Variants in NKX2-1 observed in about 807,000 individuals in gnomAD.
NKX2-1 encodes NK2 homeobox 1.
NKX2-1 carries 9 observed loss-of-function variants against 35.1 expected under a neutral mutation model. That is an observed-to-expected ratio of 0.26 (90% confidence interval 0.15 to 0.45). The LOEUF is 0.45. Ranked by LOEUF, NKX2-1 falls within the 20% of genes least tolerant of loss-of-function variation. The pLI is 1.00. For synonymous variants in NKX2-1, 284 were observed against 269.9 expected, an observed-to-expected ratio of 1.05 and a Z score of -0.51; for missense variants, 509 against 589.1, an observed-to-expected ratio of 0.86 and a Z score of 1.41.
Position 36,519,109 on chromosome 14 carries a change from C to G in NKX2-1, c.339G>C (p.Val113=). The G allele has an allele frequency of 1.2e-6, 2 of 1,604,862 alleles. No homozygotes were observed. Among genetic ancestry groups the G allele is most frequent in the Non-Finnish European group, 1.7e-6 (2 of 1,179,306 alleles). ...CCAGGTTGCCGTTGCAGTAGCCCCCCACGGCGGAGTGCGAGAGCTGGGGCA... is the reference window on the plus strand; with the variant it reads ...CCAGGTTGCCGTTGCAGTAGCCCCCGACGGCGGAGTGCGAGAGCTGGGGCA... ...AGVPQLSHSA[V]GGYCNGNLGN... The change falls in exon 2 of 3, where the codon GTG becomes GTC. Residue 113 remains valine, a synonymous_variant. Coordinates refer to ENST00000354822, the MANE Select transcript of NKX2-1 (RefSeq NM_001079668.3).
chr14:36,518,773 C>T (rs1429018008), intron 2 of NKX2-1, among the ~76,000 whole-genome samples: 1 of 152,216 alleles, frequency 6.6e-6, no homozygotes, highest in East Asian at 1.9e-4. Flanking sequence ...CATCTGACCG[C>T]AGGACCCCAG....
Position 36,520,015 on chromosome 14 carries a change from T to C in NKX2-1, c.77+38A>G, listed in dbSNP as rs753150454. 5.0e-6 allele frequency: 8 copies of C among 1,612,022 alleles called. No individual in the cohort carries two copies. The South Asian group carries it at 6.6e-5, about 13-fold the overall frequency. On this transcript the variant is annotated intron_variant, in intron 1 of 2. Transcript: ENST00000354822. ...GGTTCCCCGGGCACGGACAGGTCTT[T>C]AGGAGGAGGGGGCTGAGGGACAGGG...
In NKX2-1 at chr14:36,517,912, C is replaced by A. The variant is rs1881115573; in HGVS notation, c.572G>T (p.Arg191Leu). ...KNMAPLPSAP[R>L]RKRRVLFSQA... ...CGAGAAGAGCACCCGGCGCTTCCTG[C>A]GCGGCGCGCTTGGCAGCGGGGCCAT... The change falls in exon 3 of 3, where the codon CGC (arginine) becomes CTC (leucine). Residue 191 changes from arginine (R) to leucine (L), a missense_variant. Around this residue, in one of 5 missense-constraint regions of NKX2-1, gnomAD observed 271 missense variants for 284.1 expected, o/e 0.95. Transcript: ENST00000354822. 2 of 1,608,866 alleles carry A rather than the reference C, an allele frequency of 1.2e-6. No individual in the cohort carries two copies. Among genetic ancestry groups the A allele is most frequent in the African/African-American group, 1.3e-5 (1 of 74,942 alleles).
rs1881055434 is a variant in NKX2-1 at position 36,517,092 on chromosome 14, G to T, written c.*186C>A. ...TAAAAAAAAAAACCCACAAATTTTA[G>T]GGGGGGAAAAAAAGAAAGACGTCCA... On this transcript the variant is annotated 3_prime_UTR_variant, in exon 3 of 3. Coordinates refer to ENST00000354822, the MANE Select transcript of NKX2-1 (RefSeq NM_001079668.3). The T allele has an allele frequency of 1.9e-6, 2 of 1,039,340 alleles. No individual in the cohort carries two copies. The highest frequency in any genetic ancestry group is 9.1e-5 in the Admixed American group (2 of 21,924). The allele number at this position is 1,039,340 out of a possible 1,614,324, so 64.4% of individuals were successfully genotyped here.
In NKX2-1 at chr14:36,516,739, A is replaced by C. The variant is rs1338378965; in HGVS notation, c.*539T>G. ...CCTAGGCGGCCAGAGGGTGCCGGGGAGGGGGCACTTCCTTTGTGTCAGTGA... is the reference window on the plus strand; with the variant it reads ...CCTAGGCGGCCAGAGGGTGCCGGGGCGGGGGCACTTCCTTTGTGTCAGTGA... On this transcript the variant is annotated 3_prime_UTR_variant, in exon 3 of 3. Transcript: ENST00000354822. The C allele has an allele frequency of 8.6e-6, 2 of 231,594 alleles. No individual in the cohort carries two copies. The highest frequency in any genetic ancestry group is 4.4e-5 in the African/African-American group (2 of 45,000). The allele number at this position is 231,594 out of a possible 1,614,324, so 14.3% of individuals were successfully genotyped here.
chr14:36,519,458 C>A (rs751471797), intron 1 of NKX2-1, 88 bp from the exon 2 acceptor site: 42 of 1,564,904 alleles, frequency 2.7e-5, no homozygotes, highest in Non-Finnish European at 3.0e-5. Context: ...GCCAAATATT[C>A]TGGTGTTACC....
intron 2 of NKX2-1, 68 bp from the exon 3 acceptor site, chr14:36,518,088 C>G: frequency 6.4e-7 from 1 of 1,566,116 alleles, no homozygotes; most frequent in Non-Finnish European, 8.6e-7. Context: ...TTTTCCGCGC[C>G]ATTGGCCCGC....
chr14:36,518,252 T>G (rs1881146198), intron 2 of NKX2-1, among the ~76,000 whole-genome samples: 1 of 151,942 alleles, frequency 6.6e-6, no homozygotes, highest in Non-Finnish European at 1.5e-5. Context: ...CTGGCTGCCC[T>G]CCCTCAGTCT....
rs762195476 is a variant in NKX2-1 at position 36,517,962 on chromosome 14, G to C, written c.522C>G (p.Gly174=). The change falls in exon 3 of 3, where the codon GGC becomes GGG. Residue 174 remains glycine, a synonymous_variant. Coordinates refer to ENST00000354822, the MANE Select transcript of NKX2-1 (RefSeq NM_001079668.3). ...GMNMSGMGGL[G]SLGDVSKNMA... ...TGTTCTTGCTCACGTCCCCCAGCGAGCCCAGGCCGCCCATGCCGCTCATGT... is the reference window on the plus strand; with the variant it reads ...TGTTCTTGCTCACGTCCCCCAGCGACCCCAGGCCGCCCATGCCGCTCATGT... 6.2e-7 allele frequency: 1 copy of C among 1,600,406 alleles called. No homozygotes were observed. The highest frequency in any genetic ancestry group is 1.1e-5 in the South Asian group (1 of 91,010).
intron 1 of NKX2-1, chr14:36,519,691 T>A: frequency 6.6e-7 from 1 of 1,511,708 alleles, no homozygotes; most frequent in Non-Finnish European, 8.8e-7. Flanking sequence ...TAAACACCTT[T>A]AAGTTTCACT....
rs1227488905 is a variant in NKX2-1, at chr14:36,517,667, C to G, written c.817G>C (p.Gly273Arg). The G allele has an allele frequency of 1.3e-6, 2 of 1,550,492 alleles. No homozygotes were observed. Residue 273 changes from glycine to arginine, a missense_variant, in exon 3 of 3, where the codon GGG becomes CGG. Around this residue, in one of 5 missense-constraint regions of NKX2-1, gnomAD observed 212 missense variants for 227.7 expected, o/e 0.93. Transcript: ENST00000354822. ...TGAGCCTGTTGCTGCTGCGGGCACC[C>G]GGTGCCCCCGCCGCCCCCGCCGCCG... Reference protein sequence around the residue: ...SGGGGGGGGTGCPQQQQAQQQ... With the variant: ...SGGGGGGGGTRCPQQQQAQQQ...
At position 36,517,901 on chromosome 14, in the gene NKX2-1, G is replaced by T; in HGVS notation, c.583C>A (p.Arg195=). 6.2e-7 allele frequency: 1 copy of T among 1,610,280 alleles called. No individual in the cohort carries two copies. Among genetic ancestry groups the T allele is most frequent in the Non-Finnish European group, 8.5e-7 (1 of 1,179,464 alleles). The change falls in exon 3 of 3, where the codon CGG becomes AGG. Residue 195 remains arginine, a synonymous_variant. Coordinates refer to ENST00000354822, the MANE Select transcript of NKX2-1 (RefSeq NM_001079668.3). Reference sequence around the variant, plus strand: ...ACCTGCGCCTGCGAGAAGAGCACCCGGCGCTTCCTGCGCGGCGCGCTTGGC... The same window carrying T: ...ACCTGCGCCTGCGAGAAGAGCACCCTGCGCTTCCTGCGCGGCGCGCTTGGC... ...PLPSAPRRKR[R]VLFSQAQVYE... is the part of the protein sequence containing the mutation.
rs898986089 is a variant in NKX2-1 at position 36,517,480 on chromosome 14, G to C, written c.1004C>G (p.Ser335Cys). 7.3e-7 allele frequency: 1 copy of C among 1,369,696 alleles called. No individual in the cohort carries two copies. The highest frequency in any genetic ancestry group is 3.8e-5 in the Admixed American group (1 of 26,156). The allele number at this position is 1,369,696 out of a possible 1,614,324, so 84.8% of individuals were successfully genotyped here. ...AAGGCCGGCGCCACCGCTGCCCACG[G>C]AGATGGCCGCTGCCGCCGCCTGCGC... ...QAAQAAAAAI[S>C]VGSGGAGLGA... Residue 335 changes from serine to cysteine, a missense_variant, in exon 3 of 3, where the codon TCC (serine) becomes TGC (cysteine). Around this residue, in one of 5 missense-constraint regions of NKX2-1, gnomAD observed 212 missense variants for 227.7 expected, o/e 0.93. Transcript: ENST00000354822.
rs1881057925 is a variant in NKX2-1 at position 36,517,097 on chromosome 14, GGAAAA to G, written c.*176_*180del. The G allele has an allele frequency of 4.4e-6, 5 of 1,140,454 alleles. 1 individual carries two copies. The highest frequency in any genetic ancestry group is 5.8e-6 in the Non-Finnish European group (5 of 861,380). 70.6% of individuals were successfully genotyped at this position (1,140,454 alleles called of 1,614,324 possible). ...AAAAAAACCCACAAATTTTAGGGGG[GGAAAA>G]AAAGAAAGACGTCCAGCAGTTTGGC... On this transcript the variant is annotated 3_prime_UTR_variant, in exon 3 of 3. Transcript: ENST00000354822.
chr14:36,517,236 C>A lies in NKX2-1; in HGVS notation c.*42G>T. 6.4e-7 allele frequency: 1 copy of A among 1,574,164 alleles called. No individual in the cohort carries two copies. Among genetic ancestry groups the A allele is most frequent in the South Asian group, 1.2e-5 (1 of 85,812 alleles). On this transcript the variant is annotated 3_prime_UTR_variant, in exon 3 of 3. Transcript: ENST00000354822. ...GTCTGTGTGGCGGGCAGGAGGGAAG[C>A]GGTGAGGCAGAGCGCTGGGCTAGGG...
intron 1 of NKX2-1, 61 bp from the exon 2 acceptor site, chr14:36,519,431 T>G: frequency 6.3e-7 from 1 of 1,588,190 alleles, no homozygotes; most frequent in Non-Finnish European, 8.6e-7. Flanking sequence ...GCCTCGCTGC[T>G]TTTTTTTTCT....
rs939978728 is a variant in NKX2-1, at chr14:36,518,886, T to A, written c.463+99A>T. The A allele has an allele frequency of 2.2e-5, 30 of 1,364,054 alleles. No homozygotes were observed. In the Admixed American group the frequency reaches 4.2e-4, roughly 19 times the overall value. 84.5% of individuals were successfully genotyped at this position (1,364,054 alleles called of 1,614,324 possible). On this transcript the variant is annotated intron_variant, in intron 2 of 2. Coordinates refer to ENST00000354822, the MANE Select transcript of NKX2-1 (RefSeq NM_001079668.3). ...GCCGCTGCCGGGCCGCCCTCCCTGA[T>A]GCCCAGCGCGCAGCCTGCCGGCGCC...
chr14:36,516,696 AG>A lies in NKX2-1; in HGVS notation c.*581del, dbSNP rs534281105. On this transcript the variant is annotated 3_prime_UTR_variant, in exon 3 of 3. Transcript: ENST00000354822. ...CACATTAAACAAACTATTTTCGCGG[AG>A]GGCGGTCGCCGCTGAGCCTAGGCGG... The A allele has an allele frequency of 2.6e-3, 608 of 232,788 alleles. 4 individuals are homozygous for A. Among genetic ancestry groups the A allele is most frequent in the African/African-American group, 0.012 (561 of 45,356 alleles). 14.4% of individuals were successfully genotyped at this position (232,788 alleles called of 1,614,324 possible). A position where few individuals can be genotyped will look rare whatever the true frequency, so the allele number is the denominator to read the frequency against.
intron 2 of NKX2-1, 101 bp from the exon 3 acceptor site, chr14:36,518,121 G>C: frequency 6.7e-7 from 1 of 1,497,668 alleles, no homozygotes; most frequent in Non-Finnish European, 9.0e-7. Context: ...AACCGACGGC[G>C]CCCTCCTGAC....
Sources: gnomAD v4.1 joint callset for allele counts (sites outside exome capture counted in the v4.1 genomes callset) on GRCh38, gnomAD v4.1.1 for gene constraint, gnomAD v4.1.1 regional missense constraint, MANE v1.5 for transcripts, NCBI Gene and HGNC (gene_info 2026-07-23, HGNC 2026-07-21) for gene names.